NUTF2: variants seen among roughly 807,000 people sequenced by gnomAD.
The protein encoded by NUTF2 is placental protein 15.
Under a neutral mutation model 18.5 loss-of-function variants are expected in NUTF2, and 3 were observed. The observed-to-expected ratio is 0.16, with a 90% CI of 0.07 to 0.42. The LOEUF (loss-of-function observed/expected upper bound fraction) is 0.42, where lower values mean the gene tolerates loss of function less well. NUTF2 is among the 10% of genes least tolerant of loss of function. The pLI, the probability that NUTF2 is intolerant of heterozygous loss-of-function variation, is 0.99. For synonymous variants in NUTF2, 51 were observed against 57.9 expected (o/e 0.88, Z 0.54); for missense variants, 44 against 160.7 (o/e 0.27, Z 3.93).
At chr16:67,864,693 C>G (rs1038181771) in intron 1 of NUTF2, among the ~76,000 whole-genome samples, 1 of 152,094 alleles carries the variant, frequency 6.6e-6, no homozygotes, top group African/African-American at 2.4e-5. Context: ...ATAGCAATAA[C>G]TCTGTCCTTG....
rs770309628 is a variant in NUTF2 at position 67,868,494 on chromosome 16, CTT to C, written c.172-6_172-5del. ...GGTTCTCCCACCTCCCACTCTCTCT[CTT>C]GTAGAGCCTTCCGTTCCAGAAAATT... On this transcript the variant is annotated splice_region_variant and splice_polypyrimidine_tract_variant and intron_variant, in intron 3 of 4. Transcript: ENST00000219169. 1.7e-4 allele frequency: 278 copies of C among 1,614,120 alleles called. No homozygotes were observed. Among genetic ancestry groups the C allele is most frequent in the Non-Finnish European group, 2.0e-4 (233 of 1,179,972 alleles).
chr16:67,866,306 G>GTTTT (rs921901942), intron 2 of NUTF2, among the ~76,000 whole-genome samples: 1 of 134,024 alleles, frequency 7.5e-6, no homozygotes, highest in Non-Finnish European at 1.6e-5. Flanking sequence ...TCATAGTAGA[G>GTTTT]TTTTTTTTTT....
At chr16:67,857,800 A>G (rs756418059) in intron 1 of NUTF2, among the ~76,000 whole-genome samples, 28 of 152,268 alleles carry the variant, frequency 1.8e-4, no homozygotes, top group Non-Finnish European at 3.7e-4. Context: ...CCAAGCCCCA[A>G]TTGCCACATG....
At chr16:67,866,338 ACT>A (rs2057971968) in intron 2 of NUTF2, among the ~76,000 whole-genome samples, 1 of 139,850 alleles carries the variant, frequency 7.2e-6, no homozygotes, top group African/African-American at 2.7e-5. Flanking sequence ...ACAGAGTCTC[ACT>A]CTGTCAACAA....
chr16:67,855,929 T>C (rs1465073042), intron 1 of NUTF2: 9 of 697,424 alleles, frequency 1.3e-5, no homozygotes, highest in Non-Finnish European at 2.1e-5. Context: ...TTTATTTCAT[T>C]GCGGGGAGTG....
At chr16:67,849,400 G>C (rs1277542481) in intron 1 of NUTF2, among the ~76,000 whole-genome samples, 1 of 152,152 alleles carries the variant, frequency 6.6e-6, no homozygotes. Flanking sequence ...GGAGTGCTGT[G>C]GTGCGATGTC....
chr16:67,864,304 A>AGTTCGAGACCAGCCTGGC (rs2057954489), intron 1 of NUTF2, among the ~76,000 whole-genome samples: 2 of 152,144 alleles, frequency 1.3e-5, no homozygotes, highest in Admixed American at 6.6e-5. Flanking sequence ...TGCAGTCTGG[A>AGTTCGAGACCAGCCTGGC]GTTCGAGACC....
At chr16:67,857,539 C>T (rs917157722) in intron 1 of NUTF2, among the ~76,000 whole-genome samples, 1 of 152,184 alleles carries the variant, frequency 6.6e-6, no homozygotes, top group African/African-American at 2.4e-5. Flanking sequence ...AGATACCTAC[C>T]TTCTTCCTAG....
intron 1 of NUTF2, among the ~76,000 whole-genome samples, chr16:67,863,453 C>G (rs966823055): frequency 2.0e-5 from 3 of 152,182 alleles, no homozygotes; most frequent in Non-Finnish European, 2.9e-5. Flanking sequence ...CGTTCTCACT[C>G]TTTCCCTACA....
rs868194663 is a variant in NUTF2, at chr16:67,859,426, C to T, written c.-29-5676C>T. ...GTGCAATGGCACAATCTCGGTTCAC[C>T]GCAACCTCTGCCTCCCGGGTTCAAG... On this transcript the variant is annotated intron_variant, in intron 1 of 4. Transcript: ENST00000219169. Among the ~76,000 whole-genome samples the T allele has an allele frequency of 7.3e-5, 11 of 151,704 alleles. No individual in the cohort carries two copies. The South Asian group carries it at 1.9e-3, about 26-fold the overall frequency.
At chr16:67,855,114 T>C (rs1035761670) in intron 1 of NUTF2, among the ~76,000 whole-genome samples, 7 of 152,200 alleles carry the variant, frequency 4.6e-5, no homozygotes, top group African/African-American at 1.7e-4. Flanking sequence ...TTTGTGATTC[T>C]GTGATTCTCT....
chr16:67,850,198 C>A (rs530731925), intron 1 of NUTF2, among the ~76,000 whole-genome samples: 1 of 151,484 alleles, frequency 6.6e-6, no homozygotes, highest in African/African-American at 2.4e-5. Flanking sequence ...CTAGAAGTTC[C>A]CTGTAACTTC....
At chr16:67,870,300 C>A in intron 4 of NUTF2, 1 of 154,974 alleles carries the variant, frequency 6.5e-6, no homozygotes, top group South Asian at 1.9e-4. Flanking sequence ...TAGGTCTCAT[C>A]CTAGTTTTCT....
intron 1 of NUTF2, among the ~76,000 whole-genome samples, chr16:67,848,392 G>A (rs1217215775): frequency 6.6e-6 from 1 of 152,176 alleles, no homozygotes; most frequent in Non-Finnish European, 1.5e-5. Flanking sequence ...AGACTAGCAT[G>A]GCCAACATGG....
intron 1 of NUTF2, among the ~76,000 whole-genome samples, chr16:67,853,840 T>C (rs2057877058): frequency 6.6e-6 from 1 of 151,838 alleles, no homozygotes; most frequent in Non-Finnish European, 1.5e-5. Flanking sequence ...AGAGACGGGA[T>C]CTCACTGTGT....
chr16:67,866,417 G>T (rs1024298269), intron 2 of NUTF2, among the ~76,000 whole-genome samples: 1 of 146,214 alleles, frequency 6.8e-6, no homozygotes, highest in East Asian at 2.0e-4. Flanking sequence ...AGCGATTCTT[G>T]TGCCTAGCCT....
intron 1 of NUTF2, among the ~76,000 whole-genome samples, chr16:67,858,925 C>G (rs1376778921): frequency 6.6e-6 from 1 of 151,382 alleles, no homozygotes; most frequent in Non-Finnish European, 1.5e-5. Flanking sequence ...CAGTCTGGAC[C>G]TCCCTGGCTC....
chr16:67,859,317 T>G (rs1403579274), intron 1 of NUTF2, among the ~76,000 whole-genome samples: 3 of 151,538 alleles, frequency 2.0e-5, no homozygotes, highest in African/African-American at 7.3e-5. Context: ...GTAGCCGGGA[T>G]TACAGGTGCA....
rs1262349347 is a variant in NUTF2, at chr16:67,865,240, A to G, written c.99+11A>G. On this transcript the variant is annotated intron_variant, in intron 2 of 4. Coordinates refer to ENST00000219169, the MANE Select transcript of NUTF2 (RefSeq NM_005796.3). ...CTAGGCGCAATTTACGTAAGTTTCCAGCTCTAGGGCCAGAATGGACCCTAG... is the reference window on the plus strand; with the variant it reads ...CTAGGCGCAATTTACGTAAGTTTCCGGCTCTAGGGCCAGAATGGACCCTAG... 6.3e-7 allele frequency: 1 copy of G among 1,589,836 alleles called. No individual in the cohort carries two copies. The highest frequency in any genetic ancestry group is 8.6e-7 in the Non-Finnish European group (1 of 1,158,090).
Sources: allele counts gnomAD v4.1 joint callset (sites outside exome capture counted in the v4.1 genomes callset), GRCh38; gene constraint gnomAD v4.1.1; transcripts MANE v1.5; gene names NCBI Gene and HGNC (gene_info 2026-07-23, HGNC 2026-07-21).